TMEM123: variants seen among roughly 807,000 people sequenced by gnomAD.
TMEM123 encodes the protein porimin.
TMEM123 carries 16 observed loss-of-function variants against 19.7 expected under a neutral mutation model. The ratio of observed to expected loss-of-function variants is 0.81; its 90% CI spans 0.55 to 1.23. The LOEUF (loss-of-function observed/expected upper bound fraction) is 1.23. TMEM123 is among the 50% of genes most tolerant of loss of function. TMEM123 has a pLI of 0.00. For missense variants in TMEM123, 313 were observed against 257.8 expected, an observed-to-expected ratio of 1.21 and a Z score of -1.47; for synonymous variants, 118 against 99.4, an observed-to-expected ratio of 1.19 and a Z score of -1.12.
intron 2 of TMEM123, among the ~76,000 whole-genome samples, chr11:102,438,782 G>A (rs777631216): frequency 3.9e-5 from 6 of 152,228 alleles, no homozygotes; most frequent in Non-Finnish European, 2.9e-5. Flanking sequence ...GCCGAAGCAG[G>A]GCAGGGCACT....
Position 102,452,719 on chromosome 11 carries a change from C to T in TMEM123, c.-96G>A. The stretch of plus-strand genomic sequence containing the variant: ...TGCGCAGCCGGCGCCGGCTCCGCTT[C>T]CCCTTCGGCCGCGCACGTTTCCCCT... On this transcript the variant is annotated 5_prime_UTR_variant, in exon 1 of 5. Coordinates refer to ENST00000398136, the MANE Select transcript of TMEM123 (RefSeq NM_052932.3). The T allele has an allele frequency of 1.0e-6, 1 of 953,570 alleles. No individual in the cohort carries two copies. The highest frequency in any genetic ancestry group is 1.4e-6 in the Non-Finnish European group (1 of 712,324). 59.1% of individuals were successfully genotyped at this position (953,570 alleles called of 1,614,324 possible).
intron 1 of TMEM123, 62 bp from the exon 2 acceptor site, chr11:102,448,930 G>A (rs185190820): frequency 6.5e-7 from 1 of 1,531,094 alleles, no homozygotes; most frequent in Non-Finnish European, 9.0e-7. Context: ...CTGGCAGTAT[G>A]TGGTTTTCTG....
At position 102,396,336 on chromosome 11, in the gene TMEM123, A is replaced by G. The variant is rs1248551408; in HGVS notation, c.*2531T>C. ...GCAAAATCACACACTTAAAACTTTT[A>G]GAAGGAGAACAATTTTATTCTAAAA... On this transcript the variant is annotated 3_prime_UTR_variant, in exon 5 of 5. Coordinates refer to ENST00000398136, the MANE Select transcript of TMEM123 (RefSeq NM_052932.3). 2 of 152,228 alleles carry G rather than the reference A, an allele frequency of 1.3e-5. No individual in the cohort carries two copies. Among genetic ancestry groups the G allele is most frequent in the Non-Finnish European group, 2.9e-5 (2 of 68,038 alleles). 9.4% of individuals were successfully genotyped at this position (152,228 alleles called of 1,614,324 possible). A position where few individuals can be genotyped will look rare whatever the true frequency, so the allele number is the denominator to read the frequency against.
chr11:102,435,401 CA>C (rs112854674), intron 2 of TMEM123, among the ~76,000 whole-genome samples: 194 of 151,956 alleles, frequency 1.3e-3, no homozygotes, highest in African/African-American at 4.5e-3. Context: ...ATCACATGCA[CA>C]TTAGGTTAGA....
chr11:102,452,398 G>A (rs772632800), intron 1 of TMEM123, 126 bp downstream of exon 1: 2 of 833,964 alleles, frequency 2.4e-6, no homozygotes, highest in African/African-American at 3.6e-5. Flanking sequence ...GTCACCTCTG[G>A]GTCCGCCCCG....
intron 3 of TMEM123, 43 bp downstream of exon 3, chr11:102,401,869 TTAAC>T (rs1372243663): frequency 3.2e-6 from 5 of 1,582,060 alleles, no homozygotes; most frequent in Non-Finnish European, 4.3e-6. Flanking sequence ...AATGTGGCAT[TTAAC>T]TACTTGCAGC....
chr11:102,417,322 A>C (rs1254369898), intron 2 of TMEM123, among the ~76,000 whole-genome samples: 1 of 152,216 alleles, frequency 6.6e-6, no homozygotes, highest in Non-Finnish European at 1.5e-5. Context: ...ATCAATGTAC[A>C]GAAATCAGTA....
rs751184459 is a variant in TMEM123, at chr11:102,401,526, A to G, written c.602+13T>C. ...CAATTTTTTTTAAAAAGTCCTGGCC[A>G]TTCAAAACTTACATGGTTCGATACC... On this transcript the variant is annotated intron_variant, in intron 4 of 4. Coordinates refer to ENST00000398136, the MANE Select transcript of TMEM123 (RefSeq NM_052932.3). The G allele has an allele frequency of 1.3e-6, 2 of 1,553,672 alleles. No individual in the cohort carries two copies. Among genetic ancestry groups the G allele is most frequent in the Non-Finnish European group, 1.7e-6 (2 of 1,159,872 alleles).
At chr11:102,437,448 ACT>A (rs1357491014) in intron 2 of TMEM123, among the ~76,000 whole-genome samples, 1 of 146,182 alleles carries the variant, frequency 6.8e-6, no homozygotes, top group Non-Finnish European at 1.5e-5. Context: ...ACAGAATGAG[ACT>A]CTATCTCAAA....
At chr11:102,404,963 C>T (rs1457989366) in intron 2 of TMEM123, among the ~76,000 whole-genome samples, 1 of 152,098 alleles carries the variant, frequency 6.6e-6, no homozygotes, top group Non-Finnish European at 1.5e-5. Flanking sequence ...TGCTTACTTG[C>T]ATATCGGGTT....
chr11:102,417,795 C>T (rs545951569), intron 2 of TMEM123, among the ~76,000 whole-genome samples: 1 of 151,892 alleles, frequency 6.6e-6, no homozygotes, highest in Non-Finnish European at 1.5e-5. Context: ...GAAACTGATA[C>T]ACGGAACAAT....
At position 102,398,769 on chromosome 11, in the gene TMEM123, ATT is replaced by A. The variant is rs1403032644; in HGVS notation, c.*96_*97del. On this transcript the variant is annotated 3_prime_UTR_variant, in exon 5 of 5. Transcript: ENST00000398136. ...ATTATATGCATGGCCTGTTTATACT[ATT>A]TTCAAAAAGAGAATATTGTTTTAAA... The A allele has an allele frequency of 4.0e-6, 5 of 1,255,360 alleles. No individual in the cohort carries two copies. The East Asian group carries it at 1.2e-4, about 29-fold the overall frequency. 77.8% of individuals were successfully genotyped at this position (1,255,360 alleles called of 1,614,324 possible).
intron 2 of TMEM123, among the ~76,000 whole-genome samples, chr11:102,432,232 C>T (rs910830050): frequency 1.3e-5 from 2 of 152,144 alleles, no homozygotes; most frequent in African/African-American, 4.8e-5. Flanking sequence ...TTCCTAGAGA[C>T]TTGGAGGGCT....
chr11:102,438,974 G>T lies in TMEM123; in HGVS notation c.157+9838C>A, dbSNP rs113812060. On this transcript the variant is annotated intron_variant, in intron 2 of 4. Transcript: ENST00000398136. Reference sequence around the variant, plus strand: ...GTGGCTCAGAGGGTCCCACACCCACGAAGCCTTGCTCACTGCTAGCACAGC... The same window carrying T: ...GTGGCTCAGAGGGTCCCACACCCACTAAGCCTTGCTCACTGCTAGCACAGC... 3.3e-5 allele frequency among the ~76,000 whole-genome samples: 5 copies of T among 152,348 alleles called. No homozygotes were observed. In the Middle Eastern group the frequency reaches 0.01, roughly 311 times the overall value.
intron 1 of TMEM123, among the ~76,000 whole-genome samples, chr11:102,451,658 A>T (rs1321241790): frequency 4.6e-5 from 7 of 152,246 alleles, no homozygotes; most frequent in Non-Finnish European, 8.8e-5. Flanking sequence ...CAGTTGACAA[A>T]GGAAAACAGT....
At chr11:102,419,564 T>G (rs1420003913) in intron 2 of TMEM123, among the ~76,000 whole-genome samples, 1 of 152,236 alleles carries the variant, frequency 6.6e-6, no homozygotes, top group African/African-American at 2.4e-5. Context: ...CAATGGCTTT[T>G]TAAAAGCATT....
intron 2 of TMEM123, among the ~76,000 whole-genome samples, chr11:102,425,138 CAG>C (rs1565351871): frequency 1.3e-5 from 2 of 152,162 alleles, no homozygotes; most frequent in Non-Finnish European, 2.9e-5. Flanking sequence ...CAGAAAGAAA[CAG>C]AGGCTTTTAC....
chr11:102,450,909 T>C (rs1215256220), intron 1 of TMEM123, among the ~76,000 whole-genome samples: 2 of 152,248 alleles, frequency 1.3e-5, no homozygotes, highest in Non-Finnish European at 2.9e-5. Context: ...CAGATTACAC[T>C]ATACATGAAG....
At chr11:102,413,346 C>T (rs1429006639) in intron 2 of TMEM123, among the ~76,000 whole-genome samples, 6 of 152,146 alleles carry the variant, frequency 3.9e-5, no homozygotes, top group African/African-American at 1.4e-4. Context: ...GTTCCTCTAG[C>T]TAGATAAGTT....
Sources: gnomAD v4.1 joint callset for allele counts (sites outside exome capture counted in the v4.1 genomes callset) on GRCh38, gnomAD v4.1.1 for gene constraint, MANE v1.5 for transcripts, NCBI Gene and HGNC (gene_info 2026-07-23, HGNC 2026-07-21) for gene names.